COL25A1: variants seen among roughly 807,000 people sequenced by gnomAD.
The protein encoded by COL25A1 is collagen type XXV alpha 1 chain.
COL25A1 carries 103 observed loss-of-function variants against 128.4 expected under a neutral mutation model. The ratio of observed to expected loss-of-function variants is 0.80; its 90% confidence interval spans 0.68 to 0.94. The LOEUF (loss-of-function observed/expected upper bound fraction) is 0.94. COL25A1 is among the 40% of genes least tolerant of loss of function. The pLI is 0.00. For synonymous variants in COL25A1, 279 were observed against 277.2 expected (o/e 1.01, Z -0.06); for missense variants, 745 against 840.0 (o/e 0.89, Z 1.40).
At chr4:108,876,715 A>C (rs1463475877) in intron 19 of COL25A1, among the ~76,000 whole-genome samples, 1 of 152,228 alleles carries the variant, frequency 6.6e-6, no homozygotes, top group Non-Finnish European at 1.5e-5. Context: ...TAGGTTGTCC[A>C]CAATACAGAT....
intron 5 of COL25A1, among the ~76,000 whole-genome samples, chr4:109,035,435 G>T (rs1240584835): frequency 2.0e-5 from 3 of 152,108 alleles, no homozygotes; most frequent in African/African-American, 7.2e-5. Flanking sequence ...AAAGGAGACA[G>T]ATCAATTTCC....
At position 108,924,518 on chromosome 4, in the gene COL25A1, A is replaced by T. The variant is rs578005111; in HGVS notation, c.709-3914T>A. ...TACTCGGGCCTCAGAGTAAAGTTTAACTCCTCCTACTTCAGTCCATCAGAT... is the reference window on the plus strand; with the variant it reads ...TACTCGGGCCTCAGAGTAAAGTTTATCTCCTCCTACTTCAGTCCATCAGAT... On this transcript the variant is annotated intron_variant, in intron 11 of 37. Coordinates refer to ENST00000399132, the MANE Select transcript of COL25A1 (RefSeq NM_198721.4). Among the ~76,000 whole-genome samples, 4 of 152,082 alleles carry T rather than the reference A, an allele frequency of 2.6e-5. No homozygotes were observed. The South Asian group carries it at 6.2e-4, about 24-fold the overall frequency.
chr4:109,211,308 A>AC (rs1777532254), intron 3 of COL25A1, among the ~76,000 whole-genome samples: 3 of 58,054 alleles, frequency 5.2e-5, no homozygotes, highest in African/African-American at 3.5e-4. Context: ...ATATATATAT[A>AC]TATATATATA....
At chr4:108,988,787 A>AC (rs1183853356) in intron 6 of COL25A1, among the ~76,000 whole-genome samples, 1 of 152,188 alleles carries the variant, frequency 6.6e-6, no homozygotes, top group Non-Finnish European at 1.5e-5. Context: ...TCACATGCTC[A>AC]CCATTTCTCC....
In COL25A1 at chr4:109,026,100, GCACACACACACACA is replaced by G. The variant is rs56718544; in HGVS notation, c.421-15739_421-15726del. ...GAAATATCCACATATAAAACACTTT[GCACACACACACACA>G]CACACACACACACACACACACATAT... On this transcript the variant is annotated intron_variant, in intron 5 of 37. Coordinates refer to ENST00000399132, the MANE Select transcript of COL25A1 (RefSeq NM_198721.4). Among the ~76,000 whole-genome samples, 14 of 137,160 alleles carry G rather than the reference GCACACACACACACA, an allele frequency of 1.0e-4. No individual in the cohort carries two copies. In the South Asian group the frequency reaches 2.9e-3, roughly 29 times the overall value. 90.0% of individuals were successfully genotyped at this position (137,160 alleles called of 152,430 possible). A position where few individuals can be genotyped will look rare whatever the true frequency, so the allele number is the denominator to read the frequency against.
chr4:109,097,538 A>C (rs1321321983), intron 3 of COL25A1, among the ~76,000 whole-genome samples: 1 of 151,598 alleles, frequency 6.6e-6, no homozygotes, highest in African/African-American at 2.4e-5. Context: ...ACTTGAGCCC[A>C]GCAGGCAAAG....
In COL25A1 at chr4:108,846,318, G is replaced by T. The variant is rs1735093961; in HGVS notation, c.1435-99C>A. The T allele has an allele frequency of 6.3e-6, 5 of 796,694 alleles. No individual in the cohort carries two copies. In the African/African-American group the frequency reaches 8.5e-5, roughly 14 times the overall value. The allele number at this position is 796,694 out of a possible 1,614,324, so 49.4% of individuals were successfully genotyped here. A position where few individuals can be genotyped will look rare whatever the true frequency, so the allele number is the denominator to read the frequency against. On this transcript the variant is annotated intron_variant, in intron 27 of 37. Coordinates refer to ENST00000399132, the MANE Select transcript of COL25A1 (RefSeq NM_198721.4). Reference sequence around the variant, plus strand: ...ATTCCGATCAATTTCGTTAATAGGTGGGTTCAATGTTGAGATGATTCTGAT... The same window carrying T: ...ATTCCGATCAATTTCGTTAATAGGTTGGTTCAATGTTGAGATGATTCTGAT...
At chr4:108,914,614 C>G (rs144923779) in intron 13 of COL25A1, among the ~76,000 whole-genome samples, 30 of 151,186 alleles carry the variant, frequency 2.0e-4, no homozygotes, top group Non-Finnish European at 3.7e-4. Context: ...GGCTTTTCCT[C>G]CCTGCTTGAA....
At chr4:109,193,569 A>C (rs995957948) in intron 3 of COL25A1, among the ~76,000 whole-genome samples, 2 of 152,188 alleles carry the variant, frequency 1.3e-5, no homozygotes, top group Non-Finnish European at 2.9e-5. Context: ...AGGAATGGTC[A>C]ATAACCACAA....
chr4:109,176,047 A>C lies in COL25A1; in HGVS notation c.367+124536T>G, dbSNP rs999334550. Among the ~76,000 whole-genome samples, 5 of 152,210 alleles carry C rather than the reference A, an allele frequency of 3.3e-5. No homozygotes were observed. In the South Asian group the frequency reaches 8.3e-4, roughly 25 times the overall value. On this transcript the variant is annotated intron_variant, in intron 3 of 37. Transcript: ENST00000399132. Reference sequence around the variant, plus strand: ...ATACCGTCATTCATCTATTCAGCACACATTTATCAGACACCTACCAGGGCC... The same window carrying C: ...ATACCGTCATTCATCTATTCAGCACCCATTTATCAGACACCTACCAGGGCC...
At chr4:109,201,780 GGCAAGGTT>G in intron 3 of COL25A1, among the ~76,000 whole-genome samples, 1 of 152,270 alleles carries the variant, frequency 6.6e-6, no homozygotes, top group South Asian at 2.1e-4. Flanking sequence ...AAGCAATTAT[GGCAAGGTT>G]GCAGGATATA....
In COL25A1 at chr4:108,881,913, C is replaced by G. The variant is rs567635097; in HGVS notation, c.1020+2265G>C. On this transcript the variant is annotated intron_variant, in intron 19 of 37. Transcript: ENST00000399132. ...AATACCAGATAGTTACCCAACAGTA[C>G]TTGATAATTATGTAGAAGAGTATGT... 1.2e-4 allele frequency among the ~76,000 whole-genome samples: 19 copies of G among 152,262 alleles called. No individual in the cohort carries two copies. In the South Asian group the frequency reaches 3.5e-3, roughly 28 times the overall value.
chr4:109,006,378 A>ATTTT lies in COL25A1; in HGVS notation c.438+3976_438+3979dup, dbSNP rs56845799. ...AGGTGTGCACTGCCACACCCAGCTA[A>ATTTT]TTTTTTTTTTTTTTTTTTTTTTTTT... is the stretch of plus-strand genomic sequence containing the variant. On this transcript the variant is annotated intron_variant, in intron 6 of 37. Coordinates refer to ENST00000399132, the MANE Select transcript of COL25A1 (RefSeq NM_198721.4). Among the ~76,000 whole-genome samples the ATTTT allele has an allele frequency of 6.3e-3, 325 of 51,856 alleles. 12 individuals carry two copies. Among genetic ancestry groups the ATTTT allele is most frequent in the African/African-American group, 8.1e-3 (103 of 12,758 alleles). 34.0% of individuals were successfully genotyped at this position (51,856 alleles called of 152,430 possible). A position where few individuals can be genotyped will look rare whatever the true frequency, so the allele number is the denominator to read the frequency against.
At chr4:108,926,081 T>C (rs1469776478) in intron 11 of COL25A1, among the ~76,000 whole-genome samples, 1 of 152,180 alleles carries the variant, frequency 6.6e-6, no homozygotes, top group African/African-American at 2.4e-5. Context: ...AGACACATCA[T>C]GAGATGGAAA....
chr4:109,146,231 T>C (rs1301522185), intron 3 of COL25A1, among the ~76,000 whole-genome samples: 1 of 152,188 alleles, frequency 6.6e-6, no homozygotes, highest in Non-Finnish European at 1.5e-5. Context: ...ATGTATTTTC[T>C]AACATTTTGA....
At chr4:109,024,667 G>A (rs1452489589) in intron 5 of COL25A1, among the ~76,000 whole-genome samples, 1 of 152,112 alleles carries the variant, frequency 6.6e-6, no homozygotes, top group Non-Finnish European at 1.5e-5. Flanking sequence ...ATTGTCACAT[G>A]ATAACTAATT....
chr4:108,955,913 A>C (rs923342833), intron 8 of COL25A1, among the ~76,000 whole-genome samples: 2 of 152,196 alleles, frequency 1.3e-5, no homozygotes, highest in African/African-American at 2.4e-5. Context: ...AGAGATTACT[A>C]ATGAAAACTT....
intron 13 of COL25A1, among the ~76,000 whole-genome samples, chr4:108,909,639 T>C (rs1261437743): frequency 1.3e-5 from 2 of 152,214 alleles, no homozygotes; most frequent in Non-Finnish European, 2.9e-5. Context: ...GGAAATGTAA[T>C]GCAGAGAGAT....
intron 3 of COL25A1, among the ~76,000 whole-genome samples, chr4:109,070,306 T>A (rs1294800967): frequency 6.6e-6 from 1 of 151,974 alleles, no homozygotes; most frequent in African/African-American, 2.4e-5. Context: ...GGCACCAGTG[T>A]ACTTTTATGA....
Sources: gnomAD v4.1 joint callset for allele counts (sites outside exome capture counted in the v4.1 genomes callset) on GRCh38, gnomAD v4.1.1 for gene constraint, MANE v1.5 for transcripts, NCBI Gene and HGNC (gene_info 2026-07-23, HGNC 2026-07-21) for gene names.